The following CTNNA3 variants were observed in gnomAD, a reference collection of about 807,000 sequenced individuals.
CTNNA3 encodes catenin alpha-3.
CTNNA3 carries 76 observed loss-of-function variants against 95.7 expected under a neutral mutation model. The observed-to-expected ratio is 0.79, with a 90% CI of 0.66 to 0.96. The LOEUF is 0.96. CTNNA3 is among the 40% of genes least tolerant of loss of function. The pLI is 0.00. For missense variants in CTNNA3, 1,191 were observed against 1,089.8 expected (o/e 1.09, Z -1.31); for synonymous variants, 431 against 374.4 (o/e 1.15, Z -1.74).
chr10:66,732,908 G>T (rs954617969), intron 9 of CTNNA3, among the ~76,000 whole-genome samples: 2 of 152,022 alleles, frequency 1.3e-5, no homozygotes, highest in African/African-American at 4.8e-5. Flanking sequence ...TGATTCTCAT[G>T]CCTCAGCCTC....
intron 3 of CTNNA3, among the ~76,000 whole-genome samples, chr10:67,571,525 T>A (rs866196984): frequency 7.9e-5 from 12 of 152,314 alleles, no homozygotes; most frequent in African/African-American, 2.9e-4. Flanking sequence ...AAGCATGGGT[T>A]CATTACTAGA....
chr10:65,964,959 G>A (rs761003918), intron 17 of CTNNA3, among the ~76,000 whole-genome samples: 23 of 152,040 alleles, frequency 1.5e-4, no homozygotes, highest in South Asian at 2.1e-4. Flanking sequence ...CTATACACAC[G>A]CATGTTCCTA....
chr10:66,983,617 A>T (rs1850569655), intron 7 of CTNNA3, among the ~76,000 whole-genome samples: 1 of 152,202 alleles, frequency 6.6e-6, no homozygotes, highest in South Asian at 2.1e-4. Context: ...CAAAATTGAT[A>T]AGGAGATTAT....
At chr10:66,348,982 C>A (rs768030491) in intron 12 of CTNNA3, among the ~76,000 whole-genome samples, 1 of 152,010 alleles carries the variant, frequency 6.6e-6, no homozygotes, top group Non-Finnish European at 1.5e-5. Context: ...AAGGTGGCCA[C>A]CATGACCCTT....
chr10:67,132,970 A>G (rs1860096619), intron 7 of CTNNA3, among the ~76,000 whole-genome samples: 1 of 151,974 alleles, frequency 6.6e-6, no homozygotes, highest in Non-Finnish European at 1.5e-5. Flanking sequence ...ACACACATAC[A>G]GTTAGATAGA....
chr10:66,925,019 A>G (rs908365808), intron 7 of CTNNA3, among the ~76,000 whole-genome samples: 6 of 152,192 alleles, frequency 3.9e-5, no homozygotes, highest in Non-Finnish European at 7.3e-5. Flanking sequence ...CTAATAGAAC[A>G]AGCAAGAATT....
At chr10:67,043,681 C>T (rs1445184692) in intron 7 of CTNNA3, among the ~76,000 whole-genome samples, 1 of 152,084 alleles carries the variant, frequency 6.6e-6, no homozygotes, top group Non-Finnish European at 1.5e-5. Flanking sequence ...ACCCTTTAAT[C>T]TCCCACTGCT....
At chr10:66,758,057 G>A (rs977464197) in intron 9 of CTNNA3, among the ~76,000 whole-genome samples, 1 of 151,066 alleles carries the variant, frequency 6.6e-6, no homozygotes, top group African/African-American at 2.4e-5. Context: ...TATTTTTAAA[G>A]TTATTTTCAT....
In CTNNA3 at chr10:65,983,687, T is replaced by C. The variant is rs141695094; in HGVS notation, c.2265+5005A>G. Among the ~76,000 whole-genome samples, 307 of 151,550 alleles carry C rather than the reference T, an allele frequency of 2.0e-3. 1 individual carries two copies. The highest frequency in any genetic ancestry group is 6.9e-3 in the African/African-American group (288 of 41,510). On this transcript the variant is annotated intron_variant, in intron 16 of 17. Coordinates refer to ENST00000433211, the MANE Select transcript of CTNNA3 (RefSeq NM_013266.4). ...AGACTTAAATATATCTTTGATGGCA[T>C]ACTTAAGCCTTTTTTGAGACCGCCA...
At position 66,444,913 on chromosome 10, in the gene CTNNA3, T is replaced by A. The variant is rs1589260242; in HGVS notation, c.1532-65561A>T. 2.0e-5 allele frequency among the ~76,000 whole-genome samples: 3 copies of A among 152,062 alleles called. No homozygotes were observed. The East Asian group carries it at 5.8e-4, about 29-fold the overall frequency. Reference sequence around the variant, plus strand: ...AAAGAGTCAAGACCCATCAGTGTGCTGTATTCAGGAAACCCATCTCACGTG... The same window carrying A: ...AAAGAGTCAAGACCCATCAGTGTGCAGTATTCAGGAAACCCATCTCACGTG... On this transcript the variant is annotated intron_variant, in intron 11 of 17. Transcript: ENST00000433211.
chr10:66,395,581 G>A (rs2092969293), intron 11 of CTNNA3, among the ~76,000 whole-genome samples: 1 of 151,948 alleles, frequency 6.6e-6, no homozygotes, highest in African/African-American at 2.4e-5. Flanking sequence ...ATTCAATGTG[G>A]TTCATCTTAC....
intron 15 of CTNNA3, among the ~76,000 whole-genome samples, chr10:65,993,467 C>T (rs2078585255): frequency 6.6e-6 from 1 of 152,098 alleles, no homozygotes; most frequent in African/African-American, 2.4e-5. Context: ...TATTCTCTTG[C>T]TGGATTTGTC....
At chr10:67,110,419 A>C (rs1858862736) in intron 7 of CTNNA3, among the ~76,000 whole-genome samples, 2 of 152,176 alleles carry the variant, frequency 1.3e-5, no homozygotes, top group South Asian at 4.1e-4. Context: ...TAAGATTAGC[A>C]TGAAATACTG....
At chr10:66,224,930 A>G (rs2089188621) in intron 13 of CTNNA3, among the ~76,000 whole-genome samples, 1 of 152,070 alleles carries the variant, frequency 6.6e-6, no homozygotes, top group African/African-American at 2.4e-5. Flanking sequence ...ATAATTCTAC[A>G]TATTTATGTC....
rs2221566 is a variant in CTNNA3 at position 66,587,779 on chromosome 10, C to T, written c.1374+33913G>A. Reference sequence around the variant, plus strand: ...CAGGCTGGGTTCCAGGTAGTCTGTACGTAGAACTAAAAACTGCCCCAGGCC... The same window carrying T: ...CAGGCTGGGTTCCAGGTAGTCTGTATGTAGAACTAAAAACTGCCCCAGGCC... On this transcript the variant is annotated intron_variant, in intron 10 of 17. Coordinates refer to ENST00000433211, the MANE Select transcript of CTNNA3 (RefSeq NM_013266.4). Among the ~76,000 whole-genome samples, 16 of 151,908 alleles carry T rather than the reference C, an allele frequency of 1.1e-4. 1 individual carries two copies. The highest frequency in any genetic ancestry group is 3.9e-4 in the African/African-American group (16 of 41,332).
At chr10:66,078,218 T>C (rs1192936430) in intron 14 of CTNNA3, among the ~76,000 whole-genome samples, 2 of 151,920 alleles carry the variant, frequency 1.3e-5, no homozygotes, top group African/African-American at 4.8e-5. Context: ...AAGGAGTATA[T>C]GTAATCTATT....
intron 15 of CTNNA3, among the ~76,000 whole-genome samples, chr10:66,063,320 AATAT>A (rs60277919): frequency 7.7e-6 from 1 of 130,368 alleles, no homozygotes. Context: ...ATATATATAT[AATAT>A]ATATATATAT....
intron 5 of CTNNA3, among the ~76,000 whole-genome samples, chr10:67,304,159 T>C (rs936889860): frequency 1.3e-5 from 2 of 152,164 alleles, no homozygotes; most frequent in African/African-American, 4.8e-5. Flanking sequence ...ATCCCCATTA[T>C]TGACTTTTAG....
chr10:67,559,627 G>A (rs186847615), intron 3 of CTNNA3, among the ~76,000 whole-genome samples: 13 of 152,302 alleles, frequency 8.5e-5, no homozygotes, highest in Admixed American at 5.2e-4. Context: ...GCAACGGAAC[G>A]AAGCTGGACG....
Sources: allele counts gnomAD v4.1 joint callset (sites outside exome capture counted in the v4.1 genomes callset), GRCh38; gene constraint gnomAD v4.1.1; transcripts MANE v1.5; gene names NCBI Gene and HGNC (gene_info 2026-07-23, HGNC 2026-07-21).